Variants in LNX1 observed in about 807,000 individuals in gnomAD.
LNX1 encodes the protein E3 ubiquitin-protein ligase LNX.
In LNX1, 54 loss-of-function variants were observed where a neutral mutation model predicts 68.4. The observed-to-expected ratio is 0.79, with a 90% confidence interval of 0.63 to 0.99. LNX1 has a LOEUF of 0.99. LNX1 is among the 50% of genes least tolerant of loss of function. The pLI is 0.00. For synonymous variants in LNX1, 336 were observed against 350.0 expected, an observed-to-expected ratio of 0.96 and a Z score of 0.45; for missense variants, 906 against 926.4, an observed-to-expected ratio of 0.98 and a Z score of 0.29.
intron 1 of LNX1, among the ~76,000 whole-genome samples, chr4:53,636,436 T>C (rs537139601): frequency 1.3e-5 from 2 of 152,114 alleles, no homozygotes; most frequent in South Asian, 4.2e-4. Flanking sequence ...GGGACTCTGG[T>C]GAGACATTCT....
intron 1 of LNX1, among the ~76,000 whole-genome samples, chr4:53,635,317 G>C (rs1734431465): frequency 6.6e-6 from 1 of 152,162 alleles, no homozygotes; most frequent in African/African-American, 2.4e-5. Context: ...CCCCCTTCCG[G>C]ATGTGCCTGT....
intron 2 of LNX1, among the ~76,000 whole-genome samples, chr4:53,557,426 C>CT (rs1560664348): frequency 6.6e-6 from 1 of 151,996 alleles, no homozygotes; most frequent in Non-Finnish European, 1.5e-5. Flanking sequence ...ACATAGGGTT[C>CT]TTTTTTTACT....
At position 53,498,682 on chromosome 4, in the gene LNX1, C is replaced by A. The variant is rs201157691; in HGVS notation, c.937G>T (p.Ala313Ser). ...IQHIYRDGVI[A>S]RDGRLLPGDI... is the part of the protein sequence containing the mutation. Reference sequence around the variant, plus strand: ...CCTGGCAGTAGCCGGCCGTCTCTGGCGATCACCCCATCACGATAAATGTGT... The same window carrying A: ...CCTGGCAGTAGCCGGCCGTCTCTGGAGATCACCCCATCACGATAAATGTGT... Residue 313 changes from alanine to serine, a missense_variant, in exon 5 of 11, where the codon GCC (alanine) becomes TCC (serine). By Grantham distance (99) the Ala-to-Ser change is moderately conservative. Coordinates refer to ENST00000263925, the MANE Select transcript of LNX1 (RefSeq NM_001126328.3). 3.1e-6 allele frequency: 5 copies of A among 1,614,012 alleles called. No individual in the cohort carries two copies. Among genetic ancestry groups the A allele is most frequent in the Non-Finnish European group, 4.2e-6 (5 of 1,179,928 alleles).
Position 53,499,395 on chromosome 4 carries a change from G to A in LNX1, c.776-552C>T, listed in dbSNP as rs186460357. On this transcript the variant is annotated intron_variant, in intron 4 of 10. Coordinates refer to ENST00000263925, the MANE Select transcript of LNX1 (RefSeq NM_001126328.3). Reference sequence around the variant, plus strand: ...GCTGGTCTTGAAATCCTGAGCCCAGGTGATCCACCCACCTCGGCCTCCCAA... The same window carrying A: ...GCTGGTCTTGAAATCCTGAGCCCAGATGATCCACCCACCTCGGCCTCCCAA... 6.5e-3 allele frequency among the ~76,000 whole-genome samples: 985 copies of A among 152,212 alleles called. 3 individuals carry two copies. Among genetic ancestry groups the A allele is most frequent in the Middle Eastern group, 0.014 (4 of 294 alleles).
In LNX1 at chr4:53,508,939, A is replaced by AT. The variant is rs1012147295; in HGVS notation, c.381-713dup. 4.3e-4 allele frequency among the ~76,000 whole-genome samples: 5 copies of AT among 11,702 alleles called. No homozygotes were observed. In the Non-Finnish European group the frequency reaches 0.014, roughly 33 times the overall value. 7.7% of individuals were successfully genotyped at this position (11,702 alleles called of 152,430 possible). A position where few individuals can be genotyped will look rare whatever the true frequency, so the allele number is the denominator to read the frequency against. ...TCTCTACCCATTCACTATCCATGCT[A>AT]TAAAAAAAAATCCAGAAAACTCCAC... On this transcript the variant is annotated intron_variant, in intron 2 of 10. Coordinates refer to ENST00000263925, the MANE Select transcript of LNX1 (RefSeq NM_001126328.3).
At chr4:53,510,917 A>C (rs1726285192) in intron 2 of LNX1, among the ~76,000 whole-genome samples, 1 of 152,204 alleles carries the variant, frequency 6.6e-6, no homozygotes. Context: ...CTGCTGCCCC[A>C]TCAATGGGGG....
chr4:53,640,565 G>A (rs1452509382), intron 1 of LNX1, among the ~76,000 whole-genome samples: 2 of 152,202 alleles, frequency 1.3e-5, no homozygotes, highest in Non-Finnish European at 2.9e-5. Context: ...AAGTGCTTTT[G>A]TTTAAGCCTT....
chr4:53,566,059 G>C (rs1730663583), intron 2 of LNX1, among the ~76,000 whole-genome samples: 1 of 150,894 alleles, frequency 6.6e-6, no homozygotes, highest in Admixed American at 6.6e-5. Context: ...ATGGAACCAA[G>C]TTGGAAAACA....
chr4:53,583,263 G>A (rs2109802784), intron 1 of LNX1, among the ~76,000 whole-genome samples: 1 of 152,260 alleles, frequency 6.6e-6, no homozygotes, highest in South Asian at 2.1e-4. Flanking sequence ...AGAATTAGGA[G>A]CATTAATGAC....
intron 2 of LNX1, among the ~76,000 whole-genome samples, chr4:53,537,224 C>T (rs1728437515): frequency 6.6e-6 from 1 of 152,230 alleles, no homozygotes; most frequent in Admixed American, 6.5e-5. Context: ...TGACGCTTCT[C>T]ATGGAGTCAA....
chr4:53,630,236 G>A (rs546738458), intron 1 of LNX1, among the ~76,000 whole-genome samples: 15 of 152,134 alleles, frequency 9.9e-5, no homozygotes, highest in African/African-American at 3.6e-4. Flanking sequence ...TCAGAATTGG[G>A]TATTTATACA....
At chr4:53,468,308 C>A (rs550113024) in intron 9 of LNX1, among the ~76,000 whole-genome samples, 1 of 152,242 alleles carries the variant, frequency 6.6e-6, no homozygotes, top group Admixed American at 6.5e-5. Flanking sequence ...ATTTTGTCAC[C>A]ACCAGGCCTG....
intron 2 of LNX1, among the ~76,000 whole-genome samples, chr4:53,541,440 A>G (rs1464726845): frequency 6.6e-6 from 1 of 152,224 alleles, no homozygotes; most frequent in Non-Finnish European, 1.5e-5. Context: ...CACACTTGGT[A>G]GTTTCTAAGA....
chr4:53,534,995 A>G (rs528959972), intron 2 of LNX1, among the ~76,000 whole-genome samples: 1 of 152,376 alleles, frequency 6.6e-6, no homozygotes, highest in African/African-American at 2.4e-5. Flanking sequence ...TAACCTGTTG[A>G]GATGAAAATG....
At chr4:53,461,347 A>AT (rs2150548550) in intron 10 of LNX1, 88 bp downstream of exon 10, 3 of 1,061,488 alleles carry the variant, frequency 2.8e-6, no homozygotes, top group Non-Finnish European at 4.2e-6. Context: ...AGTATAATAA[A>AT]TACATGCCTT....
chr4:53,590,739 A>C (rs1236109298), intron 1 of LNX1, among the ~76,000 whole-genome samples: 1 of 152,242 alleles, frequency 6.6e-6, no homozygotes, highest in African/African-American at 2.4e-5. Flanking sequence ...GTCAGCAGGC[A>C]GCCAGTCCAG....
chr4:53,469,825 G>C (rs1483396082), intron 9 of LNX1, among the ~76,000 whole-genome samples: 12 of 152,248 alleles, frequency 7.9e-5, no homozygotes, highest in Non-Finnish European at 1.0e-4. Context: ...CCAATAACAG[G>C]CTCTGAAATT....
chr4:53,472,529 T>TA (rs1438371125), intron 9 of LNX1, among the ~76,000 whole-genome samples: 1 of 151,154 alleles, frequency 6.6e-6, no homozygotes, highest in Non-Finnish European at 1.5e-5. Context: ...ATCCTAATAA[T>TA]AAAAAACAAA....
At chr4:53,586,296 A>G (rs1282385024) in intron 1 of LNX1, among the ~76,000 whole-genome samples, 1 of 152,230 alleles carries the variant, frequency 6.6e-6, no homozygotes, top group Non-Finnish European at 1.5e-5. Flanking sequence ...CGCTCTATTC[A>G]GAAAAGGCCA....
Sources: gnomAD v4.1 joint callset for allele counts (sites outside exome capture counted in the v4.1 genomes callset) on GRCh38, gnomAD v4.1.1 for gene constraint, MANE v1.5 for transcripts, NCBI Gene and HGNC (gene_info 2026-07-23, HGNC 2026-07-21) for gene names.